The following DENND2B variants were observed in gnomAD, a reference collection of about 807,000 sequenced individuals.
DENND2B encodes the protein DENN domain containing 2B, also known as DENN domain-containing protein 2B.
In DENND2B, 32 loss-of-function variants were observed where a neutral mutation model predicts 116.0. The observed-to-expected ratio is 0.28, with a 90% CI of 0.21 to 0.37. The LOEUF (loss-of-function observed/expected upper bound fraction) is 0.37. Ranked by LOEUF, DENND2B falls within the 10% of genes least tolerant of loss-of-function variation. The pLI is 1.00. For synonymous variants in DENND2B, 588 were observed against 583.9 expected (o/e 1.01, Z -0.10); for missense variants, 1,276 against 1,477.7 (o/e 0.86, Z 2.24).
At chr11:8,836,413 C>CTTTTTTTTT (rs67181023) in intron 4 of DENND2B, among the ~76,000 whole-genome samples, 1 of 77,550 alleles carries the variant, frequency 1.3e-5, no homozygotes, top group Non-Finnish European at 2.5e-5. Flanking sequence ...TTCTGTACTT[C>CTTTTTTTTT]TTTTTTTTTT....
chr11:8,761,426 C>T (rs2054602090), intron 1 of DENND2B, among the ~76,000 whole-genome samples: 1 of 152,166 alleles, frequency 6.6e-6, no homozygotes, highest in South Asian at 2.1e-4. Context: ...TTCGCTCTGG[C>T]AAGGAGAACA....
intron 1 of DENND2B, among the ~76,000 whole-genome samples, chr11:8,764,201 T>C (rs572560918): frequency 8.1e-5 from 12 of 147,250 alleles, no homozygotes; most frequent in African/African-American, 2.3e-4. Flanking sequence ...GCCTGGGCAA[T>C]AGAGCGAGAA....
At chr11:8,889,486 T>G (rs1182019855) in intron 1 of DENND2B, among the ~76,000 whole-genome samples, 2 of 152,200 alleles carry the variant, frequency 1.3e-5, no homozygotes, top group Non-Finnish European at 2.9e-5. Context: ...GGAATTCCCT[T>G]TCCTAGCCAA....
intron 1 of DENND2B, chr11:8,774,163 C>CTG (rs991783721): frequency 5.3e-5 from 52 of 985,392 alleles, no homozygotes; most frequent in Admixed American, 1.8e-4. Flanking sequence ...AGCAGTTTCT[C>CTG]TGCTCAGTCA....
chr11:8,697,165 G>A (rs1277040482), intron 17 of DENND2B, among the ~76,000 whole-genome samples: 3 of 152,214 alleles, frequency 2.0e-5, no homozygotes, highest in Non-Finnish European at 2.9e-5. Flanking sequence ...AAACATAATT[G>A]CTGGATGAAT....
intron 1 of DENND2B, among the ~76,000 whole-genome samples, chr11:8,762,475 A>G (rs2054849612): frequency 6.6e-6 from 1 of 152,208 alleles, no homozygotes; most frequent in Non-Finnish European, 1.5e-5. Context: ...AACCACTCAG[A>G]AAATTCAAAA....
intron 3 of DENND2B, among the ~76,000 whole-genome samples, chr11:8,855,992 C>T (rs1409911189): frequency 1.3e-5 from 2 of 152,200 alleles, no homozygotes; most frequent in African/African-American, 4.8e-5. Flanking sequence ...ATCTTCAAAA[C>T]TGTCTGAGCA....
intron 1 of DENND2B, among the ~76,000 whole-genome samples, chr11:8,881,671 G>C (rs1177410488): frequency 6.6e-6 from 1 of 152,142 alleles, no homozygotes; most frequent in Non-Finnish European, 1.5e-5. Context: ...GAGTAGCTGG[G>C]ATTAACAAGC....
chr11:8,875,783 A>G (rs1460645943), upstream of DENND2B, among the ~76,000 whole-genome samples: 1 of 152,116 alleles, frequency 6.6e-6, no homozygotes, highest in African/African-American at 2.4e-5. Flanking sequence ...ACACCAGGTA[A>G]AAACTTCAGA....
At chr11:8,875,881 C>A (rs2063835796), upstream of DENND2B, among the ~76,000 whole-genome samples, 1 of 152,054 alleles carries the variant, frequency 6.6e-6, no homozygotes. Context: ...AACCAATATT[C>A]CTTCAGTAGA....
At chr11:8,876,633 T>C (rs928274518) in intron 2 of DENND2B, among the ~76,000 whole-genome samples, 3 of 152,066 alleles carry the variant, frequency 2.0e-5, no homozygotes, top group East Asian at 3.9e-4. Context: ...TCCCAGCACT[T>C]TGGGAGGCCA....
intron 4 of DENND2B, among the ~76,000 whole-genome samples, chr11:8,719,405 A>G (rs1054894770): frequency 1.3e-5 from 2 of 152,222 alleles, no homozygotes; most frequent in Admixed American, 6.5e-5. Context: ...CTGTAAACTT[A>G]TGAGTCAAAG....
intron 3 of DENND2B, among the ~76,000 whole-genome samples, chr11:8,728,386 T>G (rs1267787778): frequency 6.6e-6 from 1 of 152,208 alleles, no homozygotes; most frequent in Non-Finnish European, 1.5e-5. Context: ...TCTCTACTCC[T>G]CATGGAACAT....
At chr11:8,881,070 A>C (rs2063899511) in exon 2 of DENND2B, 1 of 151,416 alleles carries the variant, frequency 6.6e-6, no homozygotes, top group South Asian at 2.1e-4. Flanking sequence ...CTTCCCCTTC[A>C]TTTTTGTGAG....
chr11:8,761,074 A>G (rs2054539389), intron 1 of DENND2B, among the ~76,000 whole-genome samples: 1 of 152,152 alleles, frequency 6.6e-6, no homozygotes, highest in Non-Finnish European at 1.5e-5. Context: ...CCATTTTTCA[A>G]TCCCTTTTCC....
chr11:8,841,878 C>T (rs1446234048), intron 3 of DENND2B, among the ~76,000 whole-genome samples: 1 of 152,184 alleles, frequency 6.6e-6, no homozygotes, highest in Non-Finnish European at 1.5e-5. Context: ...CTTCCTCTCC[C>T]CAAACACCTC....
chr11:8,861,727 C>A lies in DENND2B; in HGVS notation c.-249-4291G>T, dbSNP rs117923187. Among the ~76,000 whole-genome samples, 811 of 152,210 alleles carry A rather than the reference C, an allele frequency of 5.3e-3. 1 individual carries two copies. The highest frequency in any genetic ancestry group is 0.02 in the Middle Eastern group (6 of 294). ...TCATTATATCAAAAAGATACTTGCA[C>A]AAATATGTTTATCGCAGCACAATTC... On this transcript the variant is annotated intron_variant, in intron 2 of 6. Coordinates refer to the DENND2B transcript ENST00000524757.
chr11:8,732,814 C>A (rs1165557345), intron 2 of DENND2B, among the ~76,000 whole-genome samples: 2 of 152,248 alleles, frequency 1.3e-5, no homozygotes, highest in Admixed American at 1.3e-4. Context: ...GCCTACCTGA[C>A]CCTAAGGCCG....
chr11:8,902,502 T>A (rs1341617917), intron 1 of DENND2B, among the ~76,000 whole-genome samples: 1 of 152,246 alleles, frequency 6.6e-6, no homozygotes, highest in African/African-American at 2.4e-5. Flanking sequence ...TTTTTGTGAT[T>A]CTGATATGCC....
Sources: gnomAD v4.1 joint callset for allele counts (sites outside exome capture counted in the v4.1 genomes callset) on GRCh38, gnomAD v4.1.1 for gene constraint, MANE v1.5 for transcripts, NCBI Gene and HGNC (gene_info 2026-07-23, HGNC 2026-07-21) for gene names.